The following CPXM2 variants were observed in gnomAD, a reference collection of about 807,000 sequenced individuals.
CPXM2 encodes the protein inactive carboxypeptidase-like protein X2.
A neutral mutation model predicts 86.1 loss-of-function variants in CPXM2; 66 were observed. The observed-to-expected ratio is 0.77, with a 90% CI of 0.63 to 0.94. The LOEUF is 0.94. Among genes scored for constraint, CPXM2 ranks in the 40% least tolerant of loss-of-function variants. The probability of loss-of-function intolerance (pLI) is 0.00; values close to 1 mark genes in which losing one functional copy is unlikely to be tolerated. For missense variants in CPXM2, 948 were observed against 1,026.3 expected, an observed-to-expected ratio of 0.92 and a Z score of 1.04; for synonymous variants, 388 against 400.2, an observed-to-expected ratio of 0.97 and a Z score of 0.36.
chr10:123,916,691 G>C (rs547312683), intron 2 of CPXM2, among the ~76,000 whole-genome samples: 151 of 152,216 alleles, frequency 9.9e-4, no homozygotes, highest in African/African-American at 3.4e-3. Context: ...ATTAATGTTT[G>C]TTGGTTTGAT....
chr10:123,807,537 CA>C (rs1847606390), intron 4 of CPXM2, among the ~76,000 whole-genome samples: 1 of 152,090 alleles, frequency 6.6e-6, no homozygotes, highest in Non-Finnish European at 1.5e-5. Flanking sequence ...TTCCTTTACT[CA>C]AGGTTTTTAC....
chr10:123,860,575 C>A (rs1848827490), intron 3 of CPXM2, among the ~76,000 whole-genome samples: 1 of 152,230 alleles, frequency 6.6e-6, no homozygotes, highest in South Asian at 2.1e-4. Context: ...TGAACACTTT[C>A]TCTTTTTCAA....
intron 2 of CPXM2, 51 bp from the exon 3 acceptor site, chr10:123,862,774 G>T: frequency 6.7e-7 from 1 of 1,494,372 alleles, no homozygotes; most frequent in South Asian, 1.1e-5. Context: ...TGAAAGGGAT[G>T]AGTTTCTTAT....
At position 123,758,760 on chromosome 10, in the gene CPXM2, C is replaced by T. The variant is rs769697658; in HGVS notation, c.1778-1408G>A. On this transcript the variant is annotated intron_variant, in intron 11 of 13. Transcript: ENST00000241305. ...GATGATTAGCAAGCTGCACTCTGCG[C>T]GACTCACCCAGTAGAAGGCCCCTCT... Among the ~76,000 whole-genome samples the T allele has an allele frequency of 5.9e-5, 9 of 152,144 alleles. No homozygotes were observed. The South Asian group carries it at 6.2e-4, about 11-fold the overall frequency.
chr10:123,900,933 T>C (rs1390561558), intron 2 of CPXM2, among the ~76,000 whole-genome samples: 1 of 152,226 alleles, frequency 6.6e-6, no homozygotes, highest in Non-Finnish European at 1.5e-5. Context: ...TCCTTTTTTA[T>C]GGCATTTCAT....
rs375388380 is a variant in CPXM2 at position 123,919,516 on chromosome 10, T to C, written n.174+19961A>G. On this transcript the variant is annotated intron_variant and non_coding_transcript_variant, in intron 2 of 19. Transcript: ENST00000368854. Reference sequence around the variant, plus strand: ...CTCCATAAAGTAAGAATGAACACTCTTGAAACAAATAGAAAGTTACAAGCT... The same window carrying C: ...CTCCATAAAGTAAGAATGAACACTCCTGAAACAAATAGAAAGTTACAAGCT... Among the ~76,000 whole-genome samples, 262 of 152,270 alleles carry C rather than the reference T, an allele frequency of 1.7e-3. 11 individuals carry two copies. The South Asian group carries it at 0.052, about 30-fold the overall frequency.
rs146731788 is a variant in CPXM2 at position 123,858,938 on chromosome 10, C to T, written c.513+3676G>A. On this transcript the variant is annotated intron_variant, in intron 3 of 13. Coordinates refer to ENST00000241305, the MANE Select transcript of CPXM2 (RefSeq NM_198148.3). ...TCACAATTCCATGACGGAGGAAGAG[C>T]CAGCGGTGGGACCTGCACCTTCCTG... 1.5e-3 allele frequency among the ~76,000 whole-genome samples: 235 copies of T among 152,332 alleles called. 2 individuals are homozygous for T. Among genetic ancestry groups the T allele is most frequent in the African/African-American group, 5.4e-3 (223 of 41,580 alleles).
chr10:123,826,688 G>T (rs1848053544), intron 4 of CPXM2, among the ~76,000 whole-genome samples: 1 of 152,070 alleles, frequency 6.6e-6, no homozygotes, highest in South Asian at 2.1e-4. Flanking sequence ...ACAGTCCTAT[G>T]CTGATACACA....
At chr10:123,941,319 A>G (rs1332849376), upstream of CPXM2, among the ~76,000 whole-genome samples, 1 of 152,174 alleles carries the variant, frequency 6.6e-6, no homozygotes, top group East Asian at 1.9e-4. Context: ...GCTTCTTCCT[A>G]GCCTCTGCTG....
rs1323970919 is a variant in CPXM2, at chr10:123,865,104, A to T, written c.404-2381T>A. 1.3e-5 allele frequency among the ~76,000 whole-genome samples: 2 copies of T among 152,136 alleles called. No homozygotes were observed. The highest frequency in any genetic ancestry group is 2.9e-5 in the Non-Finnish European group (2 of 68,022). ...CAAAGCCAGAAACTTCACCCCCTCC[A>T]CCCACAGCACAGATGATGACTTTGG... is the stretch of plus-strand genomic sequence containing the variant. On this transcript the variant is annotated intron_variant, in intron 2 of 13. Coordinates refer to ENST00000241305, the MANE Select transcript of CPXM2 (RefSeq NM_198148.3). This position sits in a 1 kb window ranked among gnomAD's most constrained non-coding sequence, Gnocchi z 4.7.
chr10:123,813,920 C>G (rs1847749048), intron 4 of CPXM2, among the ~76,000 whole-genome samples: 3 of 152,204 alleles, frequency 2.0e-5, no homozygotes, highest in South Asian at 4.1e-4. Flanking sequence ...TGCAGCATGA[C>G]TGTGTACCTT....
At chr10:123,796,939 G>C (rs538126670) in intron 6 of CPXM2, among the ~76,000 whole-genome samples, 1 of 152,336 alleles carries the variant, frequency 6.6e-6, no homozygotes, top group Non-Finnish European at 1.5e-5. Flanking sequence ...GGCCCTGTAG[G>C]GGGTGATCTC....
At chr10:123,943,037 T>C (rs1450502818), upstream of CPXM2, among the ~76,000 whole-genome samples, 3 of 152,224 alleles carry the variant, frequency 2.0e-5, no homozygotes, top group Non-Finnish European at 4.4e-5. Flanking sequence ...GACTCTACCA[T>C]ATGGCCATAC....
At chr10:123,844,065 C>G (rs762106024) in intron 3 of CPXM2, among the ~76,000 whole-genome samples, 5 of 152,052 alleles carry the variant, frequency 3.3e-5, no homozygotes, top group Non-Finnish European at 7.3e-5. Flanking sequence ...AAAGATGACT[C>G]ATTGGGAAGT....
chr10:123,828,704 T>C (rs1160104822), intron 4 of CPXM2, among the ~76,000 whole-genome samples: 1 of 152,164 alleles, frequency 6.6e-6, no homozygotes, highest in Non-Finnish European at 1.5e-5. Context: ...ATCTCACCTT[T>C]TATATAAAAA....
At position 123,851,726 on chromosome 10, in the gene CPXM2, G is replaced by A. The variant is rs1183048205; in HGVS notation, c.514-9238C>T. Among the ~76,000 whole-genome samples the A allele has an allele frequency of 2.1e-5, 3 of 145,662 alleles. No homozygotes were observed. In the East Asian group the frequency reaches 6.0e-4, roughly 29 times the overall value. ...GGAGGTTGCAGTGAGCCAAGATCAC[G>A]CCACTACACTCCAGCCTGGGTGACA... On this transcript the variant is annotated intron_variant, in intron 3 of 13. Coordinates refer to ENST00000241305, the MANE Select transcript of CPXM2 (RefSeq NM_198148.3).
chr10:123,864,530 ATTT>A (rs1292220692), intron 2 of CPXM2, among the ~76,000 whole-genome samples: 4 of 152,142 alleles, frequency 2.6e-5, no homozygotes, highest in Admixed American at 2.0e-4. Flanking sequence ...TTATGAACCT[ATTT>A]CACTGCCGTG....
intron 2 of CPXM2, among the ~76,000 whole-genome samples, chr10:123,914,277 CT>C (rs1204423122): frequency 1.3e-5 from 2 of 152,194 alleles, no homozygotes; most frequent in Non-Finnish European, 1.5e-5. Flanking sequence ...ATTCTCCCAT[CT>C]GGGATACCGG....
chr10:123,896,227 C>T (rs533845060), upstream of CPXM2, among the ~76,000 whole-genome samples: 1 of 152,246 alleles, frequency 6.6e-6, no homozygotes, highest in South Asian at 2.1e-4. Context: ...CTTACACTTT[C>T]AGAGAGAATG....
Sources: allele counts gnomAD v4.1 joint callset (sites outside exome capture counted in the v4.1 genomes callset), GRCh38; gene constraint gnomAD v4.1.1; non-coding constraint Gnocchi (gnomAD v3.1); transcripts MANE v1.5; gene names NCBI Gene and HGNC (gene_info 2026-07-23, HGNC 2026-07-21).